Variants in DGKH observed in about 807,000 individuals in gnomAD.
DGKH encodes DAG kinase eta.
In DGKH, 90 loss-of-function variants were observed where a neutral mutation model predicts 159.3. The ratio of observed to expected loss-of-function variants is 0.57; its 90% confidence interval spans 0.48 to 0.67. DGKH has a LOEUF of 0.67. Ranked by LOEUF, DGKH falls within the 30% of genes least tolerant of loss-of-function variation. The pLI is 0.00. For missense variants in DGKH, 1,181 were observed against 1,506.1 expected, an observed-to-expected ratio of 0.78 and a Z score of 3.57; for synonymous variants, 536 against 553.8, an observed-to-expected ratio of 0.97 and a Z score of 0.45.
At chr13:42,200,663 C>T (rs1346289004) in intron 20 of DGKH, among the ~76,000 whole-genome samples, 2 of 151,988 alleles carry the variant, frequency 1.3e-5, no homozygotes, top group Non-Finnish European at 2.9e-5. Flanking sequence ...ATAAATAGAA[C>T]ATTATTATTT....
chr13:42,130,685 C>A (rs905100935), intron 3 of DGKH, among the ~76,000 whole-genome samples: 6 of 151,992 alleles, frequency 3.9e-5, no homozygotes, highest in African/African-American at 1.4e-4. Context: ...AGGTGCACAG[C>A]GGTGCCATGA....
intron 3 of DGKH, among the ~76,000 whole-genome samples, chr13:42,151,735 T>C (rs1478174006): frequency 6.6e-6 from 1 of 151,772 alleles, no homozygotes; most frequent in African/African-American, 2.4e-5. Flanking sequence ...TTGCTATTGT[T>C]AATAGTGTTG....
rs1192329521 is a variant in DGKH at position 42,151,493 on chromosome 13, G to GTATACACA, written c.385-3797_385-3796insATACACAT. Among the ~76,000 whole-genome samples the GTATACACA allele has an allele frequency of 5.3e-5, 6 of 112,868 alleles. No homozygotes were observed. In the East Asian group the frequency reaches 1.6e-3, roughly 30 times the overall value. 74.0% of individuals were successfully genotyped at this position (112,868 alleles called of 152,430 possible). ...AGTATTCCATGGTGTGTGTGTGTGT[G>GTATACACA]TGTGTGTGTGTGTATACACATGTAT... On this transcript the variant is annotated intron_variant, in intron 3 of 29. Coordinates refer to ENST00000337343, the MANE Select transcript of DGKH (RefSeq NM_178009.5).
intron 26 of DGKH, among the ~76,000 whole-genome samples, chr13:42,215,974 G>A (rs897186818): frequency 2.0e-5 from 3 of 152,152 alleles, no homozygotes; most frequent in Admixed American, 6.5e-5. Flanking sequence ...ACATTCCTTA[G>A]GTACTTATTA....
intron 1 of DGKH, among the ~76,000 whole-genome samples, chr13:42,056,685 T>G (rs543478543): frequency 6.5e-4 from 99 of 152,290 alleles, no homozygotes; most frequent in Non-Finnish European, 1.2e-3. Context: ...AATGGGTGGG[T>G]TCCAGATGCC....
intron 23 of DGKH, among the ~76,000 whole-genome samples, chr13:42,209,959 C>T (rs1957602088): frequency 6.6e-6 from 1 of 151,716 alleles, no homozygotes. Context: ...CTGTTCATCC[C>T]TCCTTCCCTT....
intron 6 of DGKH, among the ~76,000 whole-genome samples, chr13:42,159,776 C>A (rs756329053): frequency 1.3e-4 from 20 of 152,156 alleles, no homozygotes; most frequent in Non-Finnish European, 2.6e-4. Flanking sequence ...TATTGTAATC[C>A]CTTTACATGC....
At chr13:42,162,038 G>A (rs1186463297) in intron 7 of DGKH, among the ~76,000 whole-genome samples, 1 of 152,150 alleles carries the variant, frequency 6.6e-6, no homozygotes, top group Non-Finnish European at 1.5e-5. Flanking sequence ...AAGGGAGGAT[G>A]CCTTTTCTCT....
chr13:42,058,188 A>G (rs1278400065), intron 1 of DGKH, among the ~76,000 whole-genome samples: 2 of 152,210 alleles, frequency 1.3e-5, no homozygotes, highest in Admixed American at 1.3e-4. Flanking sequence ...ATATATATGT[A>G]GTAAGTCCTC....
intron 11 of DGKH, among the ~76,000 whole-genome samples, chr13:42,173,309 C>A (rs959224786): frequency 6.6e-6 from 1 of 152,256 alleles, no homozygotes; most frequent in Non-Finnish European, 1.5e-5. Context: ...AATGTCCTGG[C>A]CCAACTCTTC....
At chr13:42,174,181 G>T (rs757140300) in intron 12 of DGKH, 37 bp downstream of exon 12, 6 of 1,475,482 alleles carry the variant, frequency 4.1e-6, no homozygotes, top group South Asian at 2.4e-5. Context: ...TTGAAATGGG[G>T]GTGGATATCT....
At chr13:42,199,186 A>C (rs9566938) in intron 18 of DGKH, among the ~76,000 whole-genome samples, 37,409 of 152,006 alleles carry the variant, frequency 0.25, 4,706 homozygotes, top group African/African-American at 0.28. Flanking sequence ...AAGTGTAGAA[A>C]TGGAGGGGAC....
chr13:42,121,431 T>TGA (rs1195137732), intron 1 of DGKH, among the ~76,000 whole-genome samples: 1 of 152,196 alleles, frequency 6.6e-6, no homozygotes, highest in African/African-American at 2.4e-5. Context: ...TTTCAACTTA[T>TGA]GATGAGTTTA....
rs1314495753 is a variant in DGKH, at chr13:42,195,106, T to C, written c.2167+90T>C. The C allele has an allele frequency of 3.4e-6, 5 of 1,459,348 alleles. No individual in the cohort carries two copies. The African/African-American group carries it at 7.2e-5, about 21-fold the overall frequency. The allele number at this position is 1,459,348 out of a possible 1,614,324, so 90.4% of individuals were successfully genotyped here. ...TTCTATTACTGTGGAAACATGTTCT[T>C]AAAGATAAATATTCTTTAGTAGAAT... On this transcript the variant is annotated intron_variant, in intron 17 of 29. Coordinates refer to ENST00000337343, the MANE Select transcript of DGKH (RefSeq NM_178009.5).
chr13:42,101,772 T>A lies in DGKH; in HGVS notation c.193-25691T>A, dbSNP rs76008062. 9.0e-3 allele frequency among the ~76,000 whole-genome samples: 1,334 copies of A among 148,938 alleles called. 12 individuals are homozygous for A. Among genetic ancestry groups the A allele is most frequent in the Non-Finnish European group, 0.011 (764 of 67,102 alleles). On this transcript the variant is annotated intron_variant, in intron 1 of 29. Transcript: ENST00000337343. Reference sequence around the variant, plus strand: ...AGAGGTATGTGTGTATGTGTGTGTGTGAGAGAGAGAGAGAGAGAGAGAAAG... The same window carrying A: ...AGAGGTATGTGTGTATGTGTGTGTGAGAGAGAGAGAGAGAGAGAGAGAAAG...
chr13:42,231,760 T>C lies in DGKH; in HGVS notation c.*2572T>C, dbSNP rs541203010. The C allele has an allele frequency of 4.6e-5, 7 of 152,326 alleles. No homozygotes were observed. The highest frequency in any genetic ancestry group is 1.7e-4 in the African/African-American group (7 of 41,566). The allele number at this position is 152,326 out of a possible 1,614,324, so 9.4% of individuals were successfully genotyped here. On this transcript the variant is annotated 3_prime_UTR_variant, in exon 30 of 30. Transcript: ENST00000337343. ...GTTTGGTGAGCTTTTCACTCGTAGG[T>C]GACATCTTTTGTATATGCTGTAAAG... is the stretch of plus-strand genomic sequence containing the variant.
intron 1 of DGKH, among the ~76,000 whole-genome samples, chr13:42,100,372 T>C (rs1361017189): frequency 6.6e-6 from 1 of 152,224 alleles, no homozygotes; most frequent in Non-Finnish European, 1.5e-5. Flanking sequence ...ATTATTTTAT[T>C]ATATATTACA....
In DGKH at chr13:42,113,118, G is replaced by T. The variant is rs903116718; in HGVS notation, c.193-14345G>T. 1.4e-4 allele frequency among the ~76,000 whole-genome samples: 21 copies of T among 152,144 alleles called. 1 individual carries two copies. The highest frequency in any genetic ancestry group is 5.1e-4 in the African/African-American group (21 of 41,430). On this transcript the variant is annotated intron_variant, in intron 1 of 29. Coordinates refer to ENST00000337343, the MANE Select transcript of DGKH (RefSeq NM_178009.5). ...TTAGCTTCTGCTCCTACTCCTGGGT[G>T]GGGGCAGAGCTTCCTAAAAATGTGT... is the stretch of plus-strand genomic sequence containing the variant.
chr13:42,118,385 T>C (rs1955002868), intron 1 of DGKH, among the ~76,000 whole-genome samples: 2 of 152,252 alleles, frequency 1.3e-5, no homozygotes, highest in African/African-American at 4.8e-5. Context: ...TTAGGTCAAC[T>C]CAACCAACAT....
Sources: allele counts gnomAD v4.1 joint callset (sites outside exome capture counted in the v4.1 genomes callset), GRCh38; gene constraint gnomAD v4.1.1; transcripts MANE v1.5; gene names NCBI Gene and HGNC (gene_info 2026-07-23, HGNC 2026-07-21).